PTPRQ: variants seen among roughly 807,000 people sequenced by gnomAD.
PTPRQ encodes protein tyrosine phosphatase receptor type Q, also known as phosphatidylinositol phosphatase PTPRQ.
PTPRQ carries 199 observed loss-of-function variants against 246.0 expected under a neutral mutation model. The ratio of observed to expected loss-of-function variants is 0.81; its 90% CI spans 0.72 to 0.91. The LOEUF (loss-of-function observed/expected upper bound fraction) is 0.91, where lower values mean the gene tolerates loss of function less well. PTPRQ is among the 40% of genes least tolerant of loss of function. The pLI is 0.00. For missense variants in PTPRQ, 2,624 were observed against 2,528.4 expected, an observed-to-expected ratio of 1.04 and a Z score of -0.81; for synonymous variants, 869 against 853.2, an observed-to-expected ratio of 1.02 and a Z score of -0.32.
chr12:80,445,792 C>G (rs889815704), intron 3 of PTPRQ, 75 bp downstream of exon 3: 21 of 982,088 alleles, frequency 2.1e-5, no homozygotes, highest in Non-Finnish European at 3.1e-5. Flanking sequence ...TTTTTCTCAC[C>G]TTGTCAAGCC....
At chr12:80,610,759 C>G (rs1898519599) in intron 28 of PTPRQ, 134 bp downstream of exon 28, 3 of 1,023,486 alleles carry the variant, frequency 2.9e-6, no homozygotes, top group African/African-American at 1.7e-5. Flanking sequence ...AAATTAGTGA[C>G]TCTCTGCAAC....
intron 43 of PTPRQ, among the ~76,000 whole-genome samples, chr12:80,675,685 A>G (rs967331032): frequency 6.6e-6 from 1 of 152,200 alleles, no homozygotes; most frequent in Non-Finnish European, 1.5e-5. Context: ...GTCTGTTAAT[A>G]ATTTTACCCA....
chr12:80,623,216 G>C (rs1383010717), intron 33 of PTPRQ, among the ~76,000 whole-genome samples: 2 of 152,086 alleles, frequency 1.3e-5, no homozygotes, highest in African/African-American at 2.4e-5. Flanking sequence ...TTCTCATTGG[G>C]TTATGGAAAT....
In PTPRQ at chr12:80,452,846, G is replaced by A. The variant is rs572321732; in HGVS notation, c.391-4729G>A. Among the ~76,000 whole-genome samples the A allele has an allele frequency of 2.3e-3, 342 of 151,964 alleles. 1 individual carries two copies. Among genetic ancestry groups the A allele is most frequent in the South Asian group, 5.8e-3 (28 of 4,806 alleles). On this transcript the variant is annotated intron_variant, in intron 3 of 44. Transcript: ENST00000644991. ...GGTGAATATGACAATTATGTGTCTTGGAGTCGCTCTTCTCGAGGAGTATCT... is the reference window on the plus strand; with the variant it reads ...GGTGAATATGACAATTATGTGTCTTAGAGTCGCTCTTCTCGAGGAGTATCT...
intron 34 of PTPRQ, 28 bp downstream of exon 34, chr12:80,632,319 G>A: frequency 1.3e-6 from 2 of 1,550,870 alleles, no homozygotes; most frequent in Non-Finnish European, 1.7e-6. Context: ...TTACATTCCA[G>A]GATGCTTTAT....
chr12:80,654,572 G>A (rs549898863), intron 38 of PTPRQ, among the ~76,000 whole-genome samples: 1 of 152,128 alleles, frequency 6.6e-6, no homozygotes, highest in African/African-American at 2.4e-5. Context: ...TAATGGCCTG[G>A]CGCGGTGGCT....
At chr12:80,600,211 A>G (rs1898097563) in intron 26 of PTPRQ, among the ~76,000 whole-genome samples, 1 of 151,788 alleles carries the variant, frequency 6.6e-6, no homozygotes. Flanking sequence ...TTAGTAGTAT[A>G]GGTGATTATA....
chr12:80,445,552 T>A lies in PTPRQ; in HGVS notation c.225T>A (p.Ser75=), dbSNP rs767425598. ...ERVGSAGILL[S]WNTPPNPNGR... is the part of the protein sequence containing the mutation. Reference sequence around the variant, plus strand: ...TCGGATCTGCTGGGATTCTTCTGTCTTGGAATACACCACCTAATCCAAATG... The same window carrying A: ...TCGGATCTGCTGGGATTCTTCTGTCATGGAATACACCACCTAATCCAAATG... The change falls in exon 3 of 45, where the codon TCT becomes TCA. Residue 75 remains serine, a synonymous_variant. Transcript: ENST00000644991. The A allele has an allele frequency of 6.5e-7, 1 of 1,549,868 alleles. No individual in the cohort carries two copies. Among genetic ancestry groups the A allele is most frequent in the South Asian group, 1.2e-5 (1 of 83,994 alleles).
At chr12:80,649,468 GT>G in intron 36 of PTPRQ, 119 bp from the exon 37 acceptor site, 1 of 1,310,196 alleles carries the variant, frequency 7.6e-7, no homozygotes, top group East Asian at 2.8e-5. Context: ...AAGCTGTGTT[GT>G]TTGTGATTTT....
intron 17 of PTPRQ, among the ~76,000 whole-genome samples, chr12:80,519,898 A>C (rs971557106): frequency 2.0e-5 from 3 of 152,102 alleles, no homozygotes; most frequent in African/African-American, 7.2e-5. Context: ...ACAGGGGCTC[A>C]GTTAGTCTCT....
At chr12:80,585,776 A>G (rs1220722352) in intron 25 of PTPRQ, among the ~76,000 whole-genome samples, 6 of 150,806 alleles carry the variant, frequency 4.0e-5, no homozygotes, top group Admixed American at 4.0e-4. Flanking sequence ...GTACATGTGC[A>G]CATTGTGCAG....
rs183221594 is a variant in PTPRQ at position 80,477,285 on chromosome 12, T to G, written c.1186+5034T>G. Among the ~76,000 whole-genome samples, 301 of 152,318 alleles carry G rather than the reference T, an allele frequency of 2.0e-3. 2 individuals are homozygous for G. Among genetic ancestry groups the G allele is most frequent in the African/African-American group, 6.6e-3 (275 of 41,574 alleles). On this transcript the variant is annotated intron_variant, in intron 8 of 44. Transcript: ENST00000644991. ...AAATTAAAACGCAGTCTAATTTAAC[T>G]TACCAACTATATTTAATTGCATTCA... is the stretch of plus-strand genomic sequence containing the variant.
chr12:80,655,623 C>A (rs1396722226), intron 38 of PTPRQ, among the ~76,000 whole-genome samples: 2 of 151,910 alleles, frequency 1.3e-5, no homozygotes. Context: ...CACACCCATA[C>A]ACACTCTCAC....
chr12:80,543,293 T>G (rs945512009), intron 23 of PTPRQ, among the ~76,000 whole-genome samples: 1 of 152,106 alleles, frequency 6.6e-6, no homozygotes, highest in Non-Finnish European at 1.5e-5. Flanking sequence ...TCTTTCCAGA[T>G]AGCATATGAT....
chr12:80,625,225 T>C (rs1592731035), intron 33 of PTPRQ, among the ~76,000 whole-genome samples: 2 of 152,282 alleles, frequency 1.3e-5, no homozygotes, highest in Admixed American at 1.3e-4. Context: ...ATTGAGTCCT[T>C]TTTTTCTCTC....
At chr12:80,655,235 T>C (rs960222487) in intron 38 of PTPRQ, among the ~76,000 whole-genome samples, 3 of 152,184 alleles carry the variant, frequency 2.0e-5, no homozygotes, top group Non-Finnish European at 4.4e-5. Context: ...GGGTTACATA[T>C]CTGTTTACCC....
At chr12:80,536,020 T>C (rs1488505752) in intron 19 of PTPRQ, among the ~76,000 whole-genome samples, 1 of 152,128 alleles carries the variant, frequency 6.6e-6, no homozygotes, top group Admixed American at 6.5e-5. Context: ...GGCAGGAGAA[T>C]GGCGTCAACC....
intron 25 of PTPRQ, among the ~76,000 whole-genome samples, chr12:80,565,387 T>A (rs527644668): frequency 6.6e-6 from 1 of 152,330 alleles, no homozygotes; most frequent in South Asian, 2.1e-4. Flanking sequence ...TTTATTAACT[T>A]ATTTAGGAAC....
chr12:80,527,116 G>C (rs1895710145), intron 17 of PTPRQ, among the ~76,000 whole-genome samples: 1 of 151,546 alleles, frequency 6.6e-6, no homozygotes, highest in Non-Finnish European at 1.5e-5. Context: ...TCAGTAAAAA[G>C]GCCATCTTTC....
Sources: gnomAD v4.1 joint callset for allele counts (sites outside exome capture counted in the v4.1 genomes callset) on GRCh38, gnomAD v4.1.1 for gene constraint, MANE v1.5 for transcripts, NCBI Gene and HGNC (gene_info 2026-07-23, HGNC 2026-07-21) for gene names.